The following ARMC2 variants were observed in gnomAD, a reference collection of about 807,000 sequenced individuals.
ARMC2 encodes armadillo repeat-containing protein 2.
Under a neutral mutation model 90.3 loss-of-function variants are expected in ARMC2, and 67 were observed. The observed-to-expected ratio is 0.74, with a 90% CI of 0.61 to 0.91. The LOEUF (loss-of-function observed/expected upper bound fraction) is 0.91. ARMC2 is among the 40% of genes least tolerant of loss of function. ARMC2 has a pLI of 0.00. For synonymous variants in ARMC2, 393 were observed against 393.0 expected, an observed-to-expected ratio of 1.00 and a Z score of 0.00; for missense variants, 920 against 1,030.9, an observed-to-expected ratio of 0.89 and a Z score of 1.47.
downstream of ARMC2, among the ~76,000 whole-genome samples, chr6:108,976,725 G>T (rs1778989737): frequency 6.6e-6 from 1 of 152,118 alleles, no homozygotes; most frequent in Non-Finnish European, 1.5e-5. Flanking sequence ...CACATCCCTT[G>T]TAAGTTGTAT....
chr6:108,904,290 G>A lies in ARMC2; in HGVS notation c.908G>A (p.Gly303Glu). 6.2e-7 allele frequency: 1 copy of A among 1,613,880 alleles called. No homozygotes were observed. Among genetic ancestry groups the A allele is most frequent in the East Asian group, 2.2e-5 (1 of 44,870 alleles). ...CAACTTCATCATGCTTTAGAGGAAG[G>A]AAACATGCTTGGAAATAAATTTAAG... ...CTQLHHALEEGNMLGNKFKGR... is the reference protein window; with the variant it reads ...CTQLHHALEEENMLGNKFKGR... Residue 303 changes from glycine to glutamate, a missense_variant, in exon 8 of 18, where the codon GGA (glycine) becomes GAA (glutamate). By Grantham distance (98) the Gly-to-Glu change is moderately conservative (BLOSUM62 -2). Transcript: ENST00000392644.
At chr6:109,011,320 A>G in the ARMC2 span, among the ~76,000 whole-genome samples, 3 of 152,228 alleles carry the variant, frequency 2.0e-5, no homozygotes, top group Non-Finnish European at 4.4e-5. Flanking sequence ...GGAAGCTCCA[A>G]TTAGGATTCC....
chr6:109,026,355 T>A, the ARMC2 span, among the ~76,000 whole-genome samples: 1 of 152,180 alleles, frequency 6.6e-6, no homozygotes, highest in Non-Finnish European at 1.5e-5. Flanking sequence ...AAGTTCTTTG[T>A]ATTTAAGATT....
At chr6:108,992,873 C>T in the ARMC2 span, 3 of 1,612,838 alleles carry the variant, frequency 1.9e-6, no homozygotes, top group Non-Finnish European at 2.5e-6. Context: ...CGAGATACAG[C>T]TCTTGCTGGT....
At chr6:109,016,608 C>T in the ARMC2 span, among the ~76,000 whole-genome samples, 1 of 152,152 alleles carries the variant, frequency 6.6e-6, no homozygotes, top group African/African-American at 2.4e-5. Flanking sequence ...CTTCTGCCCT[C>T]CCAAATTCTC....
At chr6:109,047,369 A>G in the ARMC2 span, among the ~76,000 whole-genome samples, 9 of 133,130 alleles carry the variant, frequency 6.8e-5, no homozygotes, top group South Asian at 5.4e-4. Flanking sequence ...CTGCCCGGCC[A>G]GCCGCCCCGT....
chr6:108,932,516 C>CTAT (rs774929036), intron 11 of ARMC2, among the ~76,000 whole-genome samples: 1 of 77,894 alleles, frequency 1.3e-5, no homozygotes, highest in African/African-American at 5.9e-5. Flanking sequence ...TTCTCCATTG[C>CTAT]TTTTTTTTTT....
chr6:108,989,257 C>T, the ARMC2 span, among the ~76,000 whole-genome samples: 6 of 152,182 alleles, frequency 3.9e-5, no homozygotes. Context: ...CCCGCCTTGG[C>T]TTCCCAAAGT....
chr6:108,870,929 T>A (rs1295267967), intron 4 of ARMC2, among the ~76,000 whole-genome samples: 1 of 152,160 alleles, frequency 6.6e-6, no homozygotes, highest in Non-Finnish European at 1.5e-5. Flanking sequence ...TGATGAATGC[T>A]CTGAAGAAGA....
the ARMC2 span, among the ~76,000 whole-genome samples, chr6:109,037,575 C>T: frequency 2.0e-5 from 3 of 152,076 alleles, no homozygotes; most frequent in African/African-American, 7.2e-5. Context: ...TTGGGTGAAG[C>T]TAGAATAGAT....
At chr6:108,998,451 AATAAT>A in the ARMC2 span, 1 of 1,588,690 alleles carries the variant, frequency 6.3e-7, no homozygotes, top group Middle Eastern at 1.7e-4. Context: ...CAACTGAAGA[AATAAT>A]ATAACAGCAA....
intron 5 of ARMC2, among the ~76,000 whole-genome samples, chr6:108,887,771 A>T (rs992279740): frequency 6.6e-6 from 1 of 152,264 alleles, no homozygotes; most frequent in African/African-American, 2.4e-5. Context: ...TTTTTGGTAC[A>T]TGAAAAATCA....
chr6:108,861,772 G>A (rs1399352399), intron 3 of ARMC2, among the ~76,000 whole-genome samples: 4 of 152,164 alleles, frequency 2.6e-5, no homozygotes, highest in African/African-American at 9.7e-5. Context: ...TTATTGTAGA[G>A]TGGCTCTTTA....
intron 12 of ARMC2, among the ~76,000 whole-genome samples, chr6:108,943,174 CA>C: frequency 6.6e-6 from 1 of 152,240 alleles, no homozygotes; most frequent in South Asian, 2.1e-4. Flanking sequence ...TACCAAAAGT[CA>C]CAAAATTTTC....
intron 10 of ARMC2, among the ~76,000 whole-genome samples, chr6:108,923,634 T>TTTTC (rs1272037102): frequency 6.9e-6 from 1 of 144,540 alleles, no homozygotes; most frequent in East Asian, 2.0e-4. Context: ...TTTTTTTTTT[T>TTTTC]CCTGCATTTT....
chr6:108,896,137 A>G (rs1314653808), intron 6 of ARMC2, among the ~76,000 whole-genome samples: 1 of 152,224 alleles, frequency 6.6e-6, no homozygotes, highest in Non-Finnish European at 1.5e-5. Context: ...CTGAGCCAGC[A>G]TAGTTGCTAA....
chr6:108,876,775 G>T (rs958696340), intron 5 of ARMC2, among the ~76,000 whole-genome samples: 2 of 152,100 alleles, frequency 1.3e-5, no homozygotes, highest in Non-Finnish European at 2.9e-5. Flanking sequence ...GTAGATCTTG[G>T]ATTAAATATT....
At chr6:108,897,950 T>C (rs1459203449) in intron 6 of ARMC2, among the ~76,000 whole-genome samples, 1 of 152,206 alleles carries the variant, frequency 6.6e-6, no homozygotes, top group African/African-American at 2.4e-5. Context: ...ATGTGTTGTA[T>C]ATATTTTTCT....
chr6:108,932,298 A>G (rs1049606785), intron 11 of ARMC2, among the ~76,000 whole-genome samples: 7 of 151,820 alleles, frequency 4.6e-5, no homozygotes, highest in Middle Eastern at 3.4e-3. Context: ...TGTCTTTGTC[A>G]TGAAATCTTT....
Sources: allele counts gnomAD v4.1 joint callset (sites outside exome capture counted in the v4.1 genomes callset), GRCh38; gene constraint gnomAD v4.1.1; transcripts MANE v1.5; gene names NCBI Gene and HGNC (gene_info 2026-07-23, HGNC 2026-07-21).